MAGEC1: variants seen among roughly 807,000 people sequenced by gnomAD.
MAGEC1 encodes the protein MAGE family member C1, also known as melanoma-associated antigen C1.
Under a neutral mutation model 1.5 loss-of-function variants are expected in MAGEC1, and 3 were observed. The observed-to-expected ratio is 1.97, with a 90% CI of 0.90 to 5.10. The LOEUF (loss-of-function observed/expected upper bound fraction) is 5.10. MAGEC1 is among the 30% of genes most tolerant of loss of function. The pLI, the probability that MAGEC1 is intolerant of heterozygous loss-of-function variation, is 0.02. For missense variants in MAGEC1, 985 were observed against 803.1 expected, an observed-to-expected ratio of 1.23 and a Z score of -2.74; for synonymous variants, 357 against 310.4, an observed-to-expected ratio of 1.15 and a Z score of -1.58.
rs1200803783 is a variant in MAGEC1, at chrX:141,907,367, C to T, written c.1963C>T (p.Pro655Ser). 5 of 1,200,242 alleles carry T rather than the reference C, an allele frequency of 4.2e-6. No homozygotes were observed. The South Asian group carries it at 5.3e-5, about 13-fold the overall frequency. ...GAGTTCTCAGAGTCCTCCTGAGGGGCCTGTCCAGTCTCCTCTCCATAGTCC... is the reference window on the plus strand; with the variant it reads ...GAGTTCTCAGAGTCCTCCTGAGGGGTCTGTCCAGTCTCCTCTCCATAGTCC... ...PESSQSPPEG[P>S]VQSPLHSPQS... The change falls in exon 4 of 4, where the codon CCT becomes TCT. Residue 655 changes from proline (P) to serine (S), a missense_variant. By Grantham distance (74) the Pro-to-Ser change is moderately conservative. Transcript: ENST00000285879.
chrX:141,908,824 T>A lies in MAGEC1; in HGVS notation c.3420T>A (p.Ser1140=), dbSNP rs756605748. Reference sequence around the variant, plus strand: ...CCAGTGTCATGTCCCCCAGCTTCTCTTCTGAGTGAAGTCTAGGGCAGATTC... The same window carrying A: ...CCAGTGTCATGTCCCCCAGCTTCTCATCTGAGTGAAGTCTAGGGCAGATTC... The part of the protein sequence containing the change: ...ASSSVMSPSF[S]SE Residue 1140 remains serine, a synonymous_variant, in exon 4 of 4, where the codon TCT becomes TCA. Transcript: ENST00000285879. The A allele has an allele frequency of 8.4e-7, 1 of 1,190,887 alleles. No homozygotes were observed. Among genetic ancestry groups the A allele is most frequent in the Admixed American group, 2.3e-5 (1 of 44,055 alleles).
In MAGEC1 at chrX:141,905,620, G is replaced by A; in HGVS notation, c.216G>A (p.Glu72=). 8.3e-7 allele frequency: 1 copy of A among 1,209,312 alleles called. No homozygotes were observed. Among genetic ancestry groups the A allele is most frequent in the Non-Finnish European group, 1.1e-6 (1 of 894,470 alleles). Reference sequence around the variant, plus strand: ...CGGATCCTCTCCAGAGACCTCCTGAGGGGAAGGACTCCCAGTCTCCTCTCC... The same window carrying A: ...CGGATCCTCTCCAGAGACCTCCTGAAGGGAAGGACTCCCAGTCTCCTCTCC... ...DSSDPLQRPP[E]GKDSQSPLQI... is the part of the protein sequence containing the mutation. Residue 72 remains glutamate, a synonymous_variant, in exon 4 of 4, where the codon GAG becomes GAA. Transcript: ENST00000285879.
chrX:141,907,535 C>G lies in MAGEC1; in HGVS notation c.2131C>G (p.Pro711Ala). The G allele has an allele frequency of 8.3e-7, 1 of 1,200,050 alleles. No individual in the cohort carries two copies. The highest frequency in any genetic ancestry group is 1.1e-6 in the Non-Finnish European group (1 of 888,380). ...GEDSLSSLHF[P>A]QSPPEWEDSL... ...GGACTCCCTGTCTTCTCTCCATTTT[C>G]CTCAGAGTCCTCCTGAGTGGGAGGA... is the stretch of plus-strand genomic sequence containing the variant. Residue 711 changes from proline (P) to alanine (A), a missense_variant, in exon 4 of 4, where the codon CCT becomes GCT. Transcript: ENST00000285879.
chrX:141,905,207 A>G (rs2018170922), intron 3 of MAGEC1, 131 bp downstream of exon 3: 1 of 1,044,111 alleles, frequency 9.6e-7, no homozygotes, highest in Non-Finnish European at 1.3e-6. Context: ...TCTCTTTCTA[A>G]ACCTTCCACG....
At chrX:141,904,011 C>G (rs756712648) in intron 1 of MAGEC1, 33 bp downstream of exon 1, 2 of 113,845 alleles carry the variant, frequency 1.8e-5, no homozygotes, top group Non-Finnish European at 3.7e-5. Context: ...GAGGGACAAC[C>G]CCACCACAGA....
In MAGEC1 at chrX:141,906,494, A is replaced by G. The variant is rs4824884; in HGVS notation, c.1090A>G (p.Thr364Ala). 267,647 of 1,174,807 alleles carry G rather than the reference A, an allele frequency of 0.23. 24,477 individuals carry two copies. The highest frequency in any genetic ancestry group is 0.49 in the East Asian group (15,828 of 32,469). ...GAGTTCTCCTGAGAGTGCTCAAAGT[A>G]CTTTTGAGGGTTTTCCCCAGTCTCC... is the stretch of plus-strand genomic sequence containing the variant. ...FQSSPESAQS[T>A]FEGFPQSPLQ... Residue 364 changes from threonine (T) to alanine (A), a missense_variant, in exon 4 of 4, where the codon ACT becomes GCT. Thr to Ala is a moderately conservative substitution (Grantham distance 58). Coordinates refer to ENST00000285879, the MANE Select transcript of MAGEC1 (RefSeq NM_005462.5).
Position 141,907,489 on chromosome X carries a change from TCA to T in MAGEC1, c.2086_2087del (p.Gln696GlufsTer4), listed in dbSNP as rs1926978185. 2.5e-6 allele frequency: 3 copies of T among 1,203,062 alleles called. No individual in the cohort carries two copies. In the Admixed American group the frequency reaches 6.6e-5, roughly 27 times the overall value. The stretch of plus-strand genomic sequence containing the variant: ...ATTCCCTGTCTCCTCTCCAAATTCC[TCA>T]GAGTCCTCTTGAGGGAGAGGACTCC... ...EDSLSPLQIP[Q>X]SPLEGEDSLS... On this transcript the variant is annotated frameshift_variant, in exon 4 of 4. Coordinates refer to ENST00000285879, the MANE Select transcript of MAGEC1 (RefSeq NM_005462.5). LOFTEE classifies it low-confidence loss of function (END_TRUNC).
rs754121132 is a variant in MAGEC1, at chrX:141,905,410, G to A, written c.6G>A (p.Gly2=). The change falls in exon 4 of 4, where the codon GGG becomes GGA. Residue 2 remains glycine (G), a splice_region_variant and synonymous_variant. Transcript: ENST00000285879. ...CCTCTCTGCTTCTGCGTTCTCCAGGGGACAAGGATATGCCTACTGCTGGGA... is the reference window on the plus strand; with the variant it reads ...CCTCTCTGCTTCTGCGTTCTCCAGGAGACAAGGATATGCCTACTGCTGGGA... M[G]DKDMPTAGMP... The A allele has an allele frequency of 4.5e-5, 54 of 1,206,297 alleles. No homozygotes were observed. The East Asian group carries it at 1.2e-3, about 28-fold the overall frequency.
chrX:141,907,112 C>G lies in MAGEC1; in HGVS notation c.1708C>G (p.Gln570Glu), dbSNP rs370254815. The change falls in exon 4 of 4, where the codon CAG (glutamine) becomes GAG (glutamate). Residue 570 changes from glutamine (Q) to glutamate (E), a missense_variant. Coordinates refer to ENST00000285879, the MANE Select transcript of MAGEC1 (RefSeq NM_005462.5). ...TCACTACTTTCCTCAGAGCCCTCCT[C>G]AGGGGGAGGACTCCCTGTCTCCTCA... Reference protein sequence around the residue: ...SPHYFPQSPPQGEDSLSPHYF... With the variant: ...SPHYFPQSPPEGEDSLSPHYF... 27 of 1,195,811 alleles carry G rather than the reference C, an allele frequency of 2.3e-5. No individual in the cohort carries two copies. In the African/African-American group the frequency reaches 4.1e-4, roughly 18 times the overall value.
In MAGEC1 at chrX:141,909,039, G is replaced by C; in HGVS notation, c.*206G>C. 3.0e-6 allele frequency: 1 copy of C among 331,659 alleles called. No homozygotes were observed. Among genetic ancestry groups the C allele is most frequent in the Non-Finnish European group, 5.2e-6 (1 of 192,095 alleles). 27.3% of individuals were successfully genotyped at this position (331,659 alleles called of 1,213,427 possible). A position where few individuals can be genotyped will look rare whatever the true frequency, so the allele number is the denominator to read the frequency against. ...AGGTTTAAATAGCTTCAGAATCCTA[G>C]TTTATGCACATGAGTCGCACATGTA... On this transcript the variant is annotated 3_prime_UTR_variant, in exon 4 of 4. Coordinates refer to ENST00000285879, the MANE Select transcript of MAGEC1 (RefSeq NM_005462.5).
chrX:141,909,043 A>T lies in MAGEC1; in HGVS notation c.*210A>T, dbSNP rs1033450249. 1.5e-5 allele frequency: 5 copies of T among 328,809 alleles called. No homozygotes were observed. The highest frequency in any genetic ancestry group is 2.6e-5 in the Non-Finnish European group (5 of 190,851). The allele number at this position is 328,809 out of a possible 1,213,427, so 27.1% of individuals were successfully genotyped here. On this transcript the variant is annotated 3_prime_UTR_variant, in exon 4 of 4. Coordinates refer to ENST00000285879, the MANE Select transcript of MAGEC1 (RefSeq NM_005462.5). ...TTAAATAGCTTCAGAATCCTAGTTT[A>T]TGCACATGAGTCGCACATGTATTGC...
rs375630802 is a variant in MAGEC1, at chrX:141,904,923, C to T, written c.-103-47C>T. 34 of 884,446 alleles carry T rather than the reference C, an allele frequency of 3.8e-5. No individual in the cohort carries two copies. The African/African-American group carries it at 6.7e-4, about 17-fold the overall frequency. 72.9% of individuals were successfully genotyped at this position (884,446 alleles called of 1,213,427 possible). On this transcript the variant is annotated intron_variant, in intron 2 of 3. Coordinates refer to ENST00000285879, the MANE Select transcript of MAGEC1 (RefSeq NM_005462.5). ...ACTGTCATTCCTGGTGCCTCAGGCT[C>T]TGCCTGCCAGCTGTGCCCCGAGGTG...
At chrX:141,905,361 G>A (rs1175705669) in intron 3 of MAGEC1, 48 bp from the exon 4 acceptor site, 1 of 1,119,285 alleles carries the variant, frequency 8.9e-7, no homozygotes, top group African/African-American at 1.8e-5. Flanking sequence ...TCCTCCTCCT[G>A]TTTTTCTTTC....
rs765942986 is a variant in MAGEC1, at chrX:141,906,442, C to T, written c.1038C>T (p.Phe346=). The T allele has an allele frequency of 3.3e-6, 4 of 1,203,044 alleles. No homozygotes were observed. In the South Asian group the frequency reaches 7.1e-5, roughly 21 times the overall value. ...SLLQIPMTSS[F]SSTLLSIFQS... is the part of the protein sequence containing the mutation. ...TCCAGATTCCTATGACCTCCTCCTT[C>T]TCCTCTACTTTATTGAGTATTTTCC... is the stretch of plus-strand genomic sequence containing the variant. The change falls in exon 4 of 4, where the codon TTC becomes TTT. Residue 346 remains phenylalanine (F), a synonymous_variant. Transcript: ENST00000285879.
Position 141,907,832 on chromosome X carries a change from C to T in MAGEC1, c.2428C>T (p.Leu810Phe), listed in dbSNP as rs991557241. The T allele has an allele frequency of 2.6e-5, 32 of 1,209,641 alleles. No individual in the cohort carries two copies. The highest frequency in any genetic ancestry group is 3.1e-5 in the Non-Finnish European group (28 of 895,108). ...SPPEGPAQSP[L>F]QSPVSSFPSS... ...TCCTGAGGGGCCTGCCCAGTCTCCT[C>T]TCCAGAGTCCTGTGAGCTCCTTCCC... Residue 810 changes from leucine (L) to phenylalanine (F), a missense_variant, in exon 4 of 4, where the codon CTC (leucine) becomes TTC (phenylalanine). Coordinates refer to ENST00000285879, the MANE Select transcript of MAGEC1 (RefSeq NM_005462.5).
Position 141,907,611 on chromosome X carries a change from TC to T in MAGEC1, c.2209del (p.Gln737SerfsTer8), listed in dbSNP as rs1926984694. On this transcript the variant is annotated frameshift_variant, in exon 4 of 4. Coordinates refer to ENST00000285879, the MANE Select transcript of MAGEC1 (RefSeq NM_005462.5). LOFTEE classifies it low-confidence loss of function (END_TRUNC). ...CAGTTTCCTCCTCAGGGGGAGGACTTCCAGTCTTCTCTCCAGAGTCCTGTGA... is the reference window on the plus strand; with the variant it reads ...CAGTTTCCTCCTCAGGGGGAGGACTTCAGTCTTCTCTCCAGAGTCCTGTGA... ...FPQFPPQGED[F>X]QSSLQSPVSI... is the part of the protein sequence containing the mutation. The T allele has an allele frequency of 1.7e-6, 2 of 1,207,451 alleles. No individual in the cohort carries two copies. Among genetic ancestry groups the T allele is most frequent in the African/African-American group, 3.5e-5 (2 of 56,403 alleles).
chrX:141,904,714 C>T lies in MAGEC1; in HGVS notation c.-201-3C>T. On this transcript the variant is annotated splice_polypyrimidine_tract_variant and splice_region_variant and intron_variant, in intron 1 of 3. Coordinates refer to ENST00000285879, the MANE Select transcript of MAGEC1 (RefSeq NM_005462.5). ...GGAGGGGCTCCCTCCCTTCCTCTTG[C>T]AGGTGCTCCAGAAAGCAGGAGTTGA... 1 of 242,190 alleles carries T rather than the reference C, an allele frequency of 4.1e-6. No individual in the cohort carries two copies. 20.0% of individuals were successfully genotyped at this position (242,190 alleles called of 1,213,427 possible).
In MAGEC1 at chrX:141,908,435, G is replaced by A; in HGVS notation, c.3031G>A (p.Gly1011Ser). Residue 1011 changes from glycine (G) to serine (S), a missense_variant, in exon 4 of 4, where the codon GGC (glycine) becomes AGC (serine). Gly to Ser is a moderately conservative substitution (Grantham distance 56). Transcript: ENST00000285879. ...ILILSIIFIK[G>S]TYASEEVIWD... ...TATTCTGAGTATCATCTTCATAAAG[G>A]GCACCTATGCCTCTGAGGAGGTCAT... 8.3e-7 allele frequency: 1 copy of A among 1,210,456 alleles called. No homozygotes were observed. Among genetic ancestry groups the A allele is most frequent in the Non-Finnish European group, 1.1e-6 (1 of 895,027 alleles).
chrX:141,905,958 G>A lies in MAGEC1; in HGVS notation c.554G>A (p.Ser185Asn), dbSNP rs1371585063. The part of the protein sequence containing the change: ...LVSIFQSSPE[S>N]TQSPFEGFPQ... ...AGTATTTTCCAGAGTTCCCCTGAGA[G>A]TACTCAAAGTCCTTTTGAGGGTTTT... Residue 185 changes from serine (S) to asparagine (N), a missense_variant, in exon 4 of 4, where the codon AGT (serine) becomes AAT (asparagine). Ser to Asn is a conservative substitution (Grantham distance 46). Coordinates refer to ENST00000285879, the MANE Select transcript of MAGEC1 (RefSeq NM_005462.5). 1.7e-6 allele frequency: 2 copies of A among 1,203,984 alleles called. No individual in the cohort carries two copies. Among genetic ancestry groups the A allele is most frequent in the African/African-American group, 1.7e-5 (1 of 57,317 alleles).
Sources: gnomAD v4.1 joint callset for allele counts on GRCh38, gnomAD v4.1.1 for gene constraint, MANE v1.5 for transcripts, NCBI Gene and HGNC (gene_info 2026-07-23, HGNC 2026-07-21) for gene names.